The following OR11A1 variants were observed in gnomAD, a reference collection of about 807,000 sequenced individuals.
The protein encoded by OR11A1 is olfactory receptor 11A1.
For synonymous variants in OR11A1, 158 were observed against 152.2 expected (o/e 1.04, Z -0.28); for missense variants, 380 against 378.2 (o/e 1.00, Z -0.04).
intron 1 of OR11A1, among the ~76,000 whole-genome samples, chr6:29,445,402 G>A (rs1233028254): frequency 2.0e-5 from 3 of 152,204 alleles, no homozygotes; most frequent in African/African-American, 4.8e-5. Context: ...GGGAGAAGGA[G>A]AGAAAGAAGA....
chr6:29,427,505 A>G lies in OR11A1; in HGVS notation c.137T>C (p.Leu46Pro), dbSNP rs770962603. The G allele has an allele frequency of 1.9e-6, 3 of 1,613,118 alleles. No individual in the cohort carries two copies. In the South Asian group the frequency reaches 3.3e-5, roughly 18 times the overall value. ...VYVFIIIGNM[L>P]IIVAVVSSQR... is the part of the protein sequence containing the mutation. ...GGAGCTAACCACTGCTACAATAATC[A>G]GCATATTCCCTATGATGATGAAGAC... is the stretch of plus-strand genomic sequence containing the variant. Residue 46 changes from leucine to proline, a missense_variant, in exon 5 of 5, where the codon CTG becomes CCG. Leu to Pro is a moderately conservative substitution (Grantham distance 98, BLOSUM62 -3). Transcript: ENST00000377149.
intron 1 of OR11A1, chr6:29,440,364 A>G (rs1305001318): frequency 6.2e-7 from 1 of 1,614,054 alleles, no homozygotes; most frequent in African/African-American, 1.3e-5. Context: ...CCTGGCAGCC[A>G]TGGCCTATGA....
At chr6:29,431,811 T>G (rs1783247082) in intron 2 of OR11A1, 53 bp downstream of exon 2, 1 of 975,432 alleles carries the variant, frequency 1.0e-6, no homozygotes, top group South Asian at 4.7e-5. Flanking sequence ...CATTTAACTT[T>G]TTTAAAGAAT....
intron 1 of OR11A1, among the ~76,000 whole-genome samples, chr6:29,448,936 C>T (rs1366381509): frequency 1.3e-5 from 2 of 152,134 alleles, no homozygotes; most frequent in African/African-American, 4.8e-5. Context: ...CTTACCTCTC[C>T]TTCTTTTACT....
At chr6:29,451,535 A>G (rs1391750098) in intron 1 of OR11A1, among the ~76,000 whole-genome samples, 1 of 152,200 alleles carries the variant, frequency 6.6e-6, no homozygotes, top group African/African-American at 2.4e-5. Context: ...GGACATGAAC[A>G]GACACGTCTC....
In OR11A1 at chr6:29,426,594, G is replaced by T; in HGVS notation, c.*100C>A. The T allele has an allele frequency of 1.2e-6, 1 of 835,398 alleles. No homozygotes were observed. The highest frequency in any genetic ancestry group is 1.8e-6 in the Non-Finnish European group (1 of 542,902). The allele number at this position is 835,398 out of a possible 1,614,324, so 51.7% of individuals were successfully genotyped here. On this transcript the variant is annotated 3_prime_UTR_variant, in exon 5 of 5. Coordinates refer to ENST00000377149, the MANE Select transcript of OR11A1 (RefSeq NM_001394828.1). ...GTATAACTGCAGAAGAGTTCAAAGA[G>T]AATGGTCGAATAAGACAAAGTTACT...
At chr6:29,439,919 A>T (rs991297089) in intron 1 of OR11A1, 3 of 868,544 alleles carry the variant, frequency 3.5e-6, no homozygotes, top group East Asian at 2.4e-5. Flanking sequence ...CTGCGATCAG[A>T]TGCAGAGAGA....
Position 29,453,607 on chromosome 6 carries a change from G to C in OR11A1, c.-389+3380C>G, listed in dbSNP as rs1345752178. ...AGTAACAAACTCAATCGTGTTTAAGGCTCAGGTATCCAGAGGTTACAGTTT... is the reference window on the plus strand; with the variant it reads ...AGTAACAAACTCAATCGTGTTTAAGCCTCAGGTATCCAGAGGTTACAGTTT... On this transcript the variant is annotated intron_variant, in intron 1 of 4. Coordinates refer to ENST00000377149, the MANE Select transcript of OR11A1 (RefSeq NM_001394828.1). This position sits in a 1 kb window ranked among gnomAD's most constrained non-coding sequence, Gnocchi z 4.5. Among the ~76,000 whole-genome samples, 1 of 152,158 alleles carries C rather than the reference G, an allele frequency of 6.6e-6. No homozygotes were observed. Among genetic ancestry groups the C allele is most frequent in the Non-Finnish European group, 1.5e-5 (1 of 68,002 alleles).
chr6:29,452,783 G>A (rs910822340), intron 1 of OR11A1, among the ~76,000 whole-genome samples: 1 of 152,102 alleles, frequency 6.6e-6, no homozygotes, highest in Non-Finnish European at 1.5e-5. Flanking sequence ...AAGTTTTTCA[G>A]GCTATAGAGA....
chr6:29,429,721 G>C (rs1783114642), intron 3 of OR11A1, among the ~76,000 whole-genome samples: 1 of 152,180 alleles, frequency 6.6e-6, no homozygotes, highest in Non-Finnish European at 1.5e-5. Context: ...CAGGGGGTAA[G>C]TAGCCAAGGG....
At chr6:29,450,502 T>A (rs1785247476) in intron 1 of OR11A1, 1 of 152,198 alleles carries the variant, frequency 6.6e-6, no homozygotes, top group Non-Finnish European at 1.5e-5. Flanking sequence ...ATATGTTCAT[T>A]ACAACATCCA....
intron 1 of OR11A1, among the ~76,000 whole-genome samples, chr6:29,438,163 T>C (rs1783788733): frequency 6.6e-6 from 1 of 152,316 alleles, no homozygotes; most frequent in East Asian, 1.9e-4. Flanking sequence ...TGGTATGTCT[T>C]GAAAACATTC....
chr6:29,440,616 G>A (rs1361967852), intron 1 of OR11A1: 3 of 1,613,858 alleles, frequency 1.9e-6, no homozygotes, highest in African/African-American at 2.7e-5. Flanking sequence ...GATTATCCTG[G>A]CAACAGCCCT....
At chr6:29,450,451 C>T (rs115008852) in intron 1 of OR11A1, 2,699 of 152,288 alleles carry the variant, frequency 0.018, 58 homozygotes, top group African/African-American at 0.053. Context: ...CTGTCCACAG[C>T]TATAATCCTA....
rs139025176 is a variant in OR11A1 at position 29,440,692 on chromosome 6, G to T, written c.-388-8705C>A. 60 of 1,614,088 alleles carry T rather than the reference G, an allele frequency of 3.7e-5. No homozygotes were observed. The African/African-American group carries it at 7.5e-4, about 20-fold the overall frequency. ...GGGCGTATCCTCGTTACCATCTTCC[G>T]GATCCCATCTGTTGCGGGCCGCCGC... is the stretch of plus-strand genomic sequence containing the variant. On this transcript the variant is annotated intron_variant, in intron 1 of 4. Transcript: ENST00000377149.
chr6:29,442,872 G>T (rs1784342992), intron 1 of OR11A1, among the ~76,000 whole-genome samples: 1 of 152,230 alleles, frequency 6.6e-6, no homozygotes, highest in Non-Finnish European at 1.5e-5. Context: ...AGCTAAAGCA[G>T]ATGAGCACAG....
At chr6:29,439,729 GT>G in intron 1 of OR11A1, 1 of 466,904 alleles carries the variant, frequency 2.1e-6, no homozygotes, top group South Asian at 4.8e-5. Context: ...TGGAAAGACA[GT>G]TTAACATGTT....
In OR11A1 at chr6:29,431,978, T is replaced by TAGG. The variant is rs1783260567; in HGVS notation, c.-380_-379insCCT. The TAGG allele has an allele frequency of 1.0e-6, 1 of 984,572 alleles. No homozygotes were observed. The highest frequency in any genetic ancestry group is 1.2e-6 in the Non-Finnish European group (1 of 829,274). The allele number at this position is 984,572 out of a possible 1,614,324, so 61.0% of individuals were successfully genotyped here. The stretch of plus-strand genomic sequence containing the variant: ...TCCTACCTTCAGCTCCCTCCCTGCT[T>TAGG]GAGCTCAACCTGAAGTAACGTAGAA... On this transcript the variant is annotated 5_prime_UTR_variant, in exon 2 of 5. Transcript: ENST00000377149.
At chr6:29,434,792 G>C (rs1162811564) in intron 1 of OR11A1, among the ~76,000 whole-genome samples, 1 of 152,198 alleles carries the variant, frequency 6.6e-6, no homozygotes, top group African/African-American at 2.4e-5. Flanking sequence ...AATCACCCTG[G>C]TGAGAGGTTA....
Sources: allele counts gnomAD v4.1 joint callset (sites outside exome capture counted in the v4.1 genomes callset), GRCh38; gene constraint gnomAD v4.1.1; non-coding constraint Gnocchi (gnomAD v3.1); transcripts MANE v1.5; gene names NCBI Gene and HGNC (gene_info 2026-07-23, HGNC 2026-07-21).